The following THSD4 variants were observed in gnomAD, a reference collection of about 807,000 sequenced individuals.
THSD4 encodes the protein thrombospondin type-1 domain-containing protein 4.
In THSD4, 69 loss-of-function variants were observed where a neutral mutation model predicts 119.0. The ratio of observed to expected loss-of-function variants is 0.58; its 90% CI spans 0.48 to 0.71. The LOEUF is 0.71. THSD4 is among the 30% of genes least tolerant of loss of function. THSD4 has a pLI of 0.00. For synonymous variants in THSD4, 524 were observed against 540.4 expected (o/e 0.97, Z 0.42); for missense variants, 1,393 against 1,391.1 (o/e 1.00, Z -0.02).
intron 6 of THSD4, among the ~76,000 whole-genome samples, chr15:71,316,624 C>T (rs1420653204): frequency 6.6e-6 from 1 of 152,124 alleles, no homozygotes; most frequent in Non-Finnish European, 1.5e-5. Context: ...TGCTTTCAGG[C>T]CTGGCTTAGT....
chr15:71,505,283 C>G (rs530857045), intron 7 of THSD4, among the ~76,000 whole-genome samples: 163 of 152,310 alleles, frequency 1.1e-3, no homozygotes, highest in African/African-American at 3.8e-3. Flanking sequence ...GATACCTTTT[C>G]CCACAATTAT....
chr15:71,111,933 C>T, upstream of THSD4: 1 of 601,808 alleles, frequency 1.7e-6, no homozygotes, highest in Admixed American at 3.2e-5. Context: ...TTGGGACACT[C>T]TGCATCATCT....
chr15:71,616,714 G>A (rs1421135284), intron 7 of THSD4, among the ~76,000 whole-genome samples: 3 of 152,202 alleles, frequency 2.0e-5, no homozygotes, highest in Non-Finnish European at 4.4e-5. Context: ...TCTCTTCACT[G>A]GAAATGTTCT....
At chr15:71,754,957 G>T (rs551480966) in intron 14 of THSD4, among the ~76,000 whole-genome samples, 1 of 152,204 alleles carries the variant, frequency 6.6e-6, no homozygotes, top group East Asian at 1.9e-4. Context: ...AAATATGGGG[G>T]AAATTGACAG....
At chr15:71,735,623 T>TTCTCTCTCTTGCTCTCTGA (rs1567126598) in intron 10 of THSD4, among the ~76,000 whole-genome samples, 28 of 137,770 alleles carry the variant, frequency 2.0e-4, no homozygotes, top group Admixed American at 5.2e-4. Flanking sequence ...TTGCTCTCTG[T>TTCTCTCTCTTGCTCTCTGA]TTCTCTCTCT....
intron 8 of THSD4, among the ~76,000 whole-genome samples, chr15:71,720,983 C>T (rs1028981213): frequency 2.0e-5 from 3 of 152,212 alleles, no homozygotes; most frequent in Non-Finnish European, 4.4e-5. Flanking sequence ...ACATTTAGAT[C>T]ATAGTCATGT....
At chr15:71,127,974 C>G (rs1185915829) in intron 1 of THSD4, among the ~76,000 whole-genome samples, 1 of 152,066 alleles carries the variant, frequency 6.6e-6, no homozygotes, top group Non-Finnish European at 1.5e-5. Flanking sequence ...AAAAATTATT[C>G]CAGGCCAGCG....
chr15:71,771,305 G>A, intron 17 of THSD4, 97 bp downstream of exon 17: 5 of 1,472,360 alleles, frequency 3.4e-6, no homozygotes, highest in Non-Finnish European at 4.6e-6. Context: ...AGGTCTTTCT[G>A]TGACCTTGCA....
chr15:71,700,715 A>T (rs1370213528), intron 8 of THSD4, among the ~76,000 whole-genome samples: 1 of 152,076 alleles, frequency 6.6e-6, no homozygotes, highest in Non-Finnish European at 1.5e-5. Flanking sequence ...AGGGATACCA[A>T]AGAGATGGTA....
chr15:71,116,497 G>GCACCCAGCACCGTACCTCC (rs1314232985), intron 1 of THSD4, among the ~76,000 whole-genome samples: 19 of 152,084 alleles, frequency 1.2e-4, no homozygotes, highest in African/African-American at 4.6e-4. Flanking sequence ...TAAGCAGTCC[G>GCACCCAGCACCGTACCTCC]CACCCAGCAC....
chr15:71,200,529 A>C (rs575082711), intron 3 of THSD4, among the ~76,000 whole-genome samples: 4 of 152,284 alleles, frequency 2.6e-5, no homozygotes, highest in African/African-American at 9.6e-5. Flanking sequence ...GTGTCTTGTA[A>C]TAAGGCACTA....
At chr15:71,407,933 C>T (rs953560924) in intron 6 of THSD4, among the ~76,000 whole-genome samples, 1 of 152,190 alleles carries the variant, frequency 6.6e-6, no homozygotes, top group African/African-American at 2.4e-5. Flanking sequence ...GTAGGAACCA[C>T]TGCTTTAGTG....
At chr15:71,471,854 C>T (rs2047585459) in intron 7 of THSD4, among the ~76,000 whole-genome samples, 1 of 152,064 alleles carries the variant, frequency 6.6e-6, no homozygotes, top group South Asian at 2.1e-4. Flanking sequence ...GATCTGGAGT[C>T]AGACCATGGG....
intron 3 of THSD4, among the ~76,000 whole-genome samples, chr15:71,193,111 T>C (rs1448814786): frequency 1.3e-5 from 2 of 152,078 alleles, no homozygotes; most frequent in Non-Finnish European, 2.9e-5. Context: ...GGGGGGATGC[T>C]CTTCATTCCT....
chr15:71,193,731 G>A (rs1188241282), intron 3 of THSD4, among the ~76,000 whole-genome samples: 1 of 151,916 alleles, frequency 6.6e-6, no homozygotes, highest in Non-Finnish European at 1.5e-5. Context: ...TTTTTGAGAC[G>A]GAGTCTCGCT....
chr15:71,244,820 A>T (rs1042713555), intron 5 of THSD4, among the ~76,000 whole-genome samples: 3 of 152,240 alleles, frequency 2.0e-5, no homozygotes, highest in Non-Finnish European at 4.4e-5. Flanking sequence ...AAATGAATTC[A>T]TTTGTAATAT....
At chr15:71,311,248 G>C (rs1017728164) in intron 6 of THSD4, among the ~76,000 whole-genome samples, 3 of 152,200 alleles carry the variant, frequency 2.0e-5, no homozygotes, top group African/African-American at 7.2e-5. Flanking sequence ...TGTTAACATA[G>C]ATTTCCAGGG....
chr15:71,283,702 A>G (rs950220433), intron 6 of THSD4, among the ~76,000 whole-genome samples: 4 of 152,244 alleles, frequency 2.6e-5, no homozygotes, highest in African/African-American at 9.6e-5. Context: ...GATAGATCCA[A>G]CAGCTAGTAA....
At chr15:71,516,341 G>A (rs1231282324) in intron 7 of THSD4, among the ~76,000 whole-genome samples, 1 of 152,178 alleles carries the variant, frequency 6.6e-6, no homozygotes, top group African/African-American at 2.4e-5. Flanking sequence ...AAGGGTTGGA[G>A]TGTTGGTCGT....
Sources: allele counts gnomAD v4.1 joint callset (sites outside exome capture counted in the v4.1 genomes callset), GRCh38; gene constraint gnomAD v4.1.1; transcripts MANE v1.5; gene names NCBI Gene and HGNC (gene_info 2026-07-23, HGNC 2026-07-21).